Variants in SOX5 observed in about 807,000 individuals in gnomAD.
The protein encoded by SOX5 is transcription factor SOX-5.
SOX5 carries 9 observed loss-of-function variants against 92.0 expected under a neutral mutation model. The ratio of observed to expected loss-of-function variants is 0.10; its 90% CI spans 0.06 to 0.17. The LOEUF is 0.17. SOX5 is among the 10% of genes least tolerant of loss of function. The pLI is 1.00. For synonymous variants in SOX5, 344 were observed against 336.3 expected, an observed-to-expected ratio of 1.02 and a Z score of -0.25; for missense variants, 642 against 944.5, an observed-to-expected ratio of 0.68 and a Z score of 4.20.
chr12:23,767,072 T>C (rs959934129), intron 3 of SOX5, among the ~76,000 whole-genome samples: 6 of 152,040 alleles, frequency 3.9e-5, no homozygotes, highest in African/African-American at 1.4e-4. Flanking sequence ...CCGGGCATGG[T>C]TGTGAGTGCC....
intron 1 of SOX5, among the ~76,000 whole-genome samples, chr12:24,425,464 A>G (rs1235405260): frequency 6.6e-6 from 1 of 152,138 alleles, no homozygotes; most frequent in African/African-American, 2.4e-5. Flanking sequence ...CATCAAAACC[A>G]CACTTCACTC....
intron 3 of SOX5, among the ~76,000 whole-genome samples, chr12:24,233,351 A>G (rs1266095596): frequency 6.6e-6 from 1 of 152,216 alleles, no homozygotes; most frequent in Non-Finnish European, 1.5e-5. Flanking sequence ...GTAGATGATT[A>G]TGAAGACGAA....
At chr12:24,289,738 A>T (rs912915784) in intron 2 of SOX5, among the ~76,000 whole-genome samples, 4 of 120,556 alleles carry the variant, frequency 3.3e-5, no homozygotes, top group African/African-American at 4.8e-5. Flanking sequence ...TACAGGCGTG[A>T]GCCACCGCGC....
chr12:24,257,468 T>C (rs1941386251), intron 3 of SOX5, among the ~76,000 whole-genome samples: 1 of 73,962 alleles, frequency 1.4e-5, no homozygotes, highest in African/African-American at 3.0e-5. Flanking sequence ...TTTTTGTTTG[T>C]TTTGTTTTGT....
intron 4 of SOX5, among the ~76,000 whole-genome samples, chr12:23,984,792 A>G (rs1949908887): frequency 6.6e-6 from 1 of 152,216 alleles, no homozygotes; most frequent in Admixed American, 6.6e-5. Flanking sequence ...CAATAGATGT[A>G]GCAAACCAAA....
At chr12:24,117,369 A>C (rs1273970786) in intron 4 of SOX5, among the ~76,000 whole-genome samples, 1 of 152,208 alleles carries the variant, frequency 6.6e-6, no homozygotes, top group African/African-American at 2.4e-5. Context: ...TGGGAATATA[A>C]ATTAGTACAG....
At chr12:24,310,850 TTTTG>T (rs1021594859) in intron 2 of SOX5, among the ~76,000 whole-genome samples, 37 of 150,874 alleles carry the variant, frequency 2.5e-4, no homozygotes, top group African/African-American at 7.9e-4. Flanking sequence ...TTTTCAATTT[TTTTG>T]TTTCTTTTTT....
At chr12:23,712,156 T>A (rs1413149417) in intron 6 of SOX5, among the ~76,000 whole-genome samples, 3 of 152,166 alleles carry the variant, frequency 2.0e-5, no homozygotes, top group Non-Finnish European at 4.4e-5. Context: ...CCACAACTCT[T>A]AAATCAATAA....
At chr12:24,000,311 C>A (rs1951472396) in intron 4 of SOX5, among the ~76,000 whole-genome samples, 1 of 151,838 alleles carries the variant, frequency 6.6e-6, no homozygotes, top group Admixed American at 6.6e-5. Flanking sequence ...TCATCCTTTT[C>A]TCTCCAAACT....
intron 4 of SOX5, among the ~76,000 whole-genome samples, chr12:24,007,961 C>G (rs531424102): frequency 6.6e-6 from 1 of 151,338 alleles, no homozygotes; most frequent in South Asian, 2.1e-4. Context: ...CAAAGCCTTC[C>G]TAATTAAATT....
At chr12:23,609,123 AT>A (rs1364901351) in intron 8 of SOX5, among the ~76,000 whole-genome samples, 1 of 152,152 alleles carries the variant, frequency 6.6e-6, no homozygotes, top group Non-Finnish European at 1.5e-5. Flanking sequence ...AAAGAAAGGC[AT>A]GAGAGCAGGA....
At chr12:23,941,705 T>C (rs933294210) in intron 1 of SOX5, among the ~76,000 whole-genome samples, 5 of 151,548 alleles carry the variant, frequency 3.3e-5, no homozygotes, top group Admixed American at 1.3e-4. Flanking sequence ...TATATTCAGT[T>C]ATCACTCAAG....
At chr12:23,681,728 T>C (rs1256628900) in intron 6 of SOX5, among the ~76,000 whole-genome samples, 1 of 151,742 alleles carries the variant, frequency 6.6e-6, no homozygotes, top group Non-Finnish European at 1.5e-5. Context: ...ATAGAAATAA[T>C]ATAAAGTTAT....
intron 2 of SOX5, among the ~76,000 whole-genome samples, chr12:23,853,099 A>G (rs2096650343): frequency 6.6e-6 from 1 of 150,448 alleles, no homozygotes; most frequent in African/African-American, 2.4e-5. Flanking sequence ...GAGTCAGCAC[A>G]CATGCAAAAA....
intron 1 of SOX5, among the ~76,000 whole-genome samples, chr12:24,428,304 A>G (rs1394501316): frequency 6.6e-6 from 1 of 151,782 alleles, no homozygotes; most frequent in Admixed American, 6.6e-5. Flanking sequence ...GCACTCTTTC[A>G]ATTGCTCTTC....
intron 3 of SOX5, among the ~76,000 whole-genome samples, chr12:23,774,722 G>A (rs2095044877): frequency 6.6e-6 from 1 of 152,076 alleles, no homozygotes; most frequent in Non-Finnish European, 1.5e-5. Context: ...ATTGTGCACT[G>A]AGAAGTCCTC....
At chr12:24,007,138 A>AAT (rs1328649833) in intron 4 of SOX5, among the ~76,000 whole-genome samples, 17 of 53,630 alleles carry the variant, frequency 3.2e-4, no homozygotes, top group Non-Finnish European at 5.8e-4. Flanking sequence ...ATCTCAAAAA[A>AAT]AAATATATAT....
At chr12:24,078,595 AGT>A (rs1191703595) in intron 4 of SOX5, among the ~76,000 whole-genome samples, 1 of 152,096 alleles carries the variant, frequency 6.6e-6, no homozygotes, top group African/African-American at 2.4e-5. Context: ...TGGCATCATC[AGT>A]GAGATAAATG....
At chr12:23,777,340 C>T (rs989338367) in intron 3 of SOX5, among the ~76,000 whole-genome samples, 2 of 152,140 alleles carry the variant, frequency 1.3e-5, no homozygotes, top group African/African-American at 4.8e-5. Flanking sequence ...TGGATACAGG[C>T]AGGGATACTC....
Sources: gnomAD v4.1 joint callset for allele counts (sites outside exome capture counted in the v4.1 genomes callset) on GRCh38, gnomAD v4.1.1 for gene constraint, MANE v1.5 for transcripts, NCBI Gene and HGNC (gene_info 2026-07-23, HGNC 2026-07-21) for gene names.